CEP78: variants seen among roughly 807,000 people sequenced by gnomAD.
CEP78 encodes centrosomal protein 78, also known as centrosomal protein of 78 kDa.
A neutral mutation model predicts 81.2 loss-of-function variants in CEP78; 76 were observed. The ratio of observed to expected loss-of-function variants is 0.94; its 90% CI spans 0.78 to 1.13. The LOEUF (loss-of-function observed/expected upper bound fraction) is 1.13. Among genes scored for constraint, CEP78 ranks in the 50% most tolerant of loss-of-function variants. The probability of loss-of-function intolerance (pLI) is 0.00; values close to 1 mark genes in which losing one functional copy is unlikely to be tolerated. For synonymous variants in CEP78, 293 were observed against 301.4 expected, an observed-to-expected ratio of 0.97 and a Z score of 0.29; for missense variants, 918 against 846.8, an observed-to-expected ratio of 1.08 and a Z score of -1.04.
At chr9:78,239,927 G>A (rs992738323) in intron 1 of CEP78, 96 bp from the exon 2 acceptor site, 45 of 1,048,116 alleles carry the variant, frequency 4.3e-5, no homozygotes, top group Non-Finnish European at 5.2e-5. Context: ...GACTTTAAAG[G>A]ACATGGCTCA....
At chr9:78,259,759 A>C (rs1361894464) in intron 11 of CEP78, among the ~76,000 whole-genome samples, 1 of 152,234 alleles carries the variant, frequency 6.6e-6, no homozygotes, top group East Asian at 1.9e-4. Flanking sequence ...AAGGTTATAC[A>C]GCTGATGGGT....
chr9:78,248,234 G>A (rs1356255474), intron 6 of CEP78, 57 bp from the exon 7 acceptor site: 1 of 884,960 alleles, frequency 1.1e-6, no homozygotes, highest in Non-Finnish European at 1.8e-6. Context: ...TTTTTAAATG[G>A]GAATAGCCAC....
Position 78,243,457 on chromosome 9 carries a change from T to C in CEP78, c.604-5T>C, listed in dbSNP as rs1402163813. ...TATTAATTTCATCTTATTAAATCTT[T>C]GAAGTATCAGACCATGAGAAGGCAT... On this transcript the variant is annotated splice_region_variant and splice_polypyrimidine_tract_variant and intron_variant, in intron 4 of 16. Transcript: ENST00000643273. The C allele has an allele frequency of 6.2e-7, 1 of 1,608,918 alleles. No homozygotes were observed. The highest frequency in any genetic ancestry group is 8.5e-7 in the Non-Finnish European group (1 of 1,177,890).
rs1827809695 is a variant in CEP78 at position 78,276,606 on chromosome 9, A to C, written c.*5755A>C. ...CTGTGCACAACACCAACACACCGGT[A>C]TGAAAAGTGTGTACACCAGCAATAA... is the stretch of plus-strand genomic sequence containing the variant. On this transcript the variant is annotated 3_prime_UTR_variant, in exon 17 of 17. Coordinates refer to ENST00000643273, the MANE Select transcript of CEP78 (RefSeq NM_001330691.3). 2 of 150,678 alleles carry C rather than the reference A, an allele frequency of 1.3e-5. No homozygotes were observed. The highest frequency in any genetic ancestry group is 4.2e-4 in the South Asian group (2 of 4,746). 9.3% of individuals were successfully genotyped at this position (150,678 alleles called of 1,614,324 possible). A position where few individuals can be genotyped will look rare whatever the true frequency, so the allele number is the denominator to read the frequency against.
At chr9:78,240,796 T>C (rs1395983402) in intron 3 of CEP78, among the ~76,000 whole-genome samples, 2 of 151,688 alleles carry the variant, frequency 1.3e-5, no homozygotes, top group Non-Finnish European at 2.9e-5. Context: ...CCATCTCTAC[T>C]AAAAAAATAC....
intron 8 of CEP78, among the ~76,000 whole-genome samples, chr9:78,251,368 C>T (rs1283926712): frequency 6.6e-6 from 1 of 152,126 alleles, no homozygotes; most frequent in Non-Finnish European, 1.5e-5. Context: ...AATCCAGCTA[C>T]CTTTAGTCTT....
At chr9:78,247,656 G>C (rs1826557574) in intron 6 of CEP78, among the ~76,000 whole-genome samples, 1 of 152,112 alleles carries the variant, frequency 6.6e-6, no homozygotes, top group Non-Finnish European at 1.5e-5. Context: ...AGATGACTTG[G>C]TGTGGAGAAT....
intron 16 of CEP78, among the ~76,000 whole-genome samples, chr9:78,267,514 T>C (rs151257162): frequency 1.3e-5 from 2 of 152,334 alleles, no homozygotes; most frequent in African/African-American, 4.8e-5. Flanking sequence ...TAGGGAACTA[T>C]TAATATTATT....
At chr9:78,255,354 A>T (rs1421134252) in intron 11 of CEP78, among the ~76,000 whole-genome samples, 1 of 152,176 alleles carries the variant, frequency 6.6e-6, no homozygotes, top group Non-Finnish European at 1.5e-5. Context: ...ATTAATTTTT[A>T]AAAATTAATA....
At chr9:78,265,293 G>A (rs1827465846) in intron 13 of CEP78, 79 bp from the exon 14 acceptor site, 4 of 1,131,826 alleles carry the variant, frequency 3.5e-6, no homozygotes. Flanking sequence ...TTTAATGATT[G>A]TAGGTTTGGG....
chr9:78,261,440 A>G (rs1030936769), intron 11 of CEP78, among the ~76,000 whole-genome samples: 1 of 152,170 alleles, frequency 6.6e-6, no homozygotes, highest in African/African-American at 2.4e-5. Flanking sequence ...AAATTACTAC[A>G]ACACTTTATC....
intron 3 of CEP78, among the ~76,000 whole-genome samples, 176 bp downstream of exon 3, chr9:78,240,540 T>C (rs1826177780): frequency 6.6e-6 from 1 of 152,266 alleles, no homozygotes; most frequent in Non-Finnish European, 1.5e-5. Flanking sequence ...TAATCTGAAC[T>C]AACTTTACTT....
chr9:78,263,647 G>A (rs1040372830), intron 12 of CEP78, among the ~76,000 whole-genome samples: 6 of 152,132 alleles, frequency 3.9e-5, no homozygotes, highest in Admixed American at 1.3e-4. Context: ...AGACTTATGT[G>A]TAGTATTAGA....
intron 11 of CEP78, 50 bp from the exon 12 acceptor site, chr9:78,262,857 G>A: frequency 8.6e-7 from 1 of 1,156,606 alleles, no homozygotes; most frequent in Non-Finnish European, 1.2e-6. Context: ...AGAGTTTTGG[G>A]GATCATATTG....
chr9:78,270,621 A>G (rs1158839563), intron 16 of CEP78, among the ~76,000 whole-genome samples: 1 of 152,218 alleles, frequency 6.6e-6, no homozygotes, highest in Non-Finnish European at 1.5e-5. Flanking sequence ...CTAGTGGTCA[A>G]AAATCATCAC....
chr9:78,236,157 G>A lies in CEP78; in HGVS notation c.-194G>A, dbSNP rs935074273. 28 of 569,746 alleles carry A rather than the reference G, an allele frequency of 4.9e-5. No individual in the cohort carries two copies. The highest frequency in any genetic ancestry group is 6.4e-5 in the South Asian group (3 of 47,124). 35.3% of individuals were successfully genotyped at this position (569,746 alleles called of 1,614,324 possible). A position where few individuals can be genotyped will look rare whatever the true frequency, so the allele number is the denominator to read the frequency against. On this transcript the variant is annotated 5_prime_UTR_variant, in exon 1 of 17. Transcript: ENST00000643273. ...AGGGCGGGAGGCAGCGCGGGAGTGG[G>A]GCGTTGAGGGGCCGGCCTAGCTTGG...
chr9:78,260,343 G>T (rs928929846), intron 11 of CEP78, among the ~76,000 whole-genome samples: 4 of 152,162 alleles, frequency 2.6e-5, no homozygotes, highest in Non-Finnish European at 5.9e-5. Flanking sequence ...AAACAGTCTT[G>T]TTAGCCATAA....
At position 78,274,130 on chromosome 9, in the gene CEP78, A is replaced by C. The variant is rs912623375; in HGVS notation, c.*3279A>C. On this transcript the variant is annotated 3_prime_UTR_variant, in exon 17 of 17. Coordinates refer to ENST00000643273, the MANE Select transcript of CEP78 (RefSeq NM_001330691.3). ...TTCATAGTGACCAAGATGTCTTCCAACAGGTGAATGGATAGCGATGTATCC... is the reference window on the plus strand; with the variant it reads ...TTCATAGTGACCAAGATGTCTTCCACCAGGTGAATGGATAGCGATGTATCC... 9 of 152,278 alleles carry C rather than the reference A, an allele frequency of 5.9e-5. No homozygotes were observed. The highest frequency in any genetic ancestry group is 2.2e-4 in the African/African-American group (9 of 41,474). 9.4% of individuals were successfully genotyped at this position (152,278 alleles called of 1,614,324 possible).
intron 14 of CEP78, among the ~76,000 whole-genome samples, 152 bp from the exon 15 acceptor site, chr9:78,265,707 T>C (rs1012775724): frequency 6.6e-6 from 1 of 152,232 alleles, no homozygotes; most frequent in Non-Finnish European, 1.5e-5. Flanking sequence ...GCCCATTTCC[T>C]TATATTGTAT....
Sources: gnomAD v4.1 joint callset for allele counts (sites outside exome capture counted in the v4.1 genomes callset) on GRCh38, gnomAD v4.1.1 for gene constraint, MANE v1.5 for transcripts, NCBI Gene and HGNC (gene_info 2026-07-23, HGNC 2026-07-21) for gene names.